Variants in SVIL observed in about 807,000 individuals in gnomAD.
SVIL encodes the protein supervillin.
Under a neutral mutation model 240.4 loss-of-function variants are expected in SVIL, and 101 were observed. That is an observed-to-expected ratio of 0.42 (90% CI 0.36 to 0.50). The LOEUF (loss-of-function observed/expected upper bound fraction) is 0.50. Ranked by LOEUF, SVIL falls within the 20% of genes least tolerant of loss-of-function variation. The pLI, the probability that SVIL is intolerant of heterozygous loss-of-function variation, is 0.01. For missense variants in SVIL, 2,512 were observed against 2,818.7 expected (o/e 0.89, Z 2.46); for synonymous variants, 999 against 1,100.0 (o/e 0.91, Z 1.82).
intron 1 of SVIL, among the ~76,000 whole-genome samples, chr10:29,695,883 G>A (rs1170386204): frequency 6.5e-5 from 1 of 15,274 alleles, no homozygotes; most frequent in South Asian, 2.4e-3. Context: ...TCCCTCTCCC[G>A]TCTCCCTCTC....
At chr10:29,535,135 C>T (rs1286529869) in intron 7 of SVIL, among the ~76,000 whole-genome samples, 2 of 151,928 alleles carry the variant, frequency 1.3e-5, no homozygotes, top group African/African-American at 2.4e-5. Context: ...TTTTAACGTA[C>T]GAGGCAGTGT....
rs1338606283 is a variant in SVIL, at chr10:29,462,187, A to G, written c.6402+90T>C. ...AGGAAAAATATTTTCCCACTCTGAA[A>G]GTGCAATTGGATGCTCTCCCCAAAG... On this transcript the variant is annotated intron_variant, in intron 36 of 37. Coordinates refer to ENST00000355867, the MANE Select transcript of SVIL (RefSeq NM_021738.3). 6 of 1,449,862 alleles carry G rather than the reference A, an allele frequency of 4.1e-6. No individual in the cohort carries two copies. The East Asian group carries it at 1.4e-4, about 35-fold the overall frequency. The allele number at this position is 1,449,862 out of a possible 1,614,324, so 89.8% of individuals were successfully genotyped here.
chr10:29,711,645 A>G (rs7894272), intron 1 of SVIL, among the ~76,000 whole-genome samples: 1 of 151,994 alleles, frequency 6.6e-6, no homozygotes, highest in African/African-American at 2.4e-5. Flanking sequence ...CTGTAATCCC[A>G]ACTACTCAGG....
chr10:29,613,752 A>G (rs1211294614), intron 1 of SVIL, among the ~76,000 whole-genome samples: 1 of 152,222 alleles, frequency 6.6e-6, no homozygotes, highest in Non-Finnish European at 1.5e-5. Flanking sequence ...GTGAATCCAG[A>G]ATTTTCCCTG....
At chr10:29,736,593 A>C (rs1209275727), upstream of SVIL, 1 of 152,286 alleles carries the variant, frequency 6.6e-6, no homozygotes, top group Non-Finnish European at 1.5e-5. Flanking sequence ...GGGACCAGGA[A>C]GAAGGGAGAG....
Position 29,523,861 on chromosome 10 carries a change from G to A in SVIL, c.2753C>T (p.Ser918Leu), listed in dbSNP as rs745851162. 1.2e-5 allele frequency: 20 copies of A among 1,614,066 alleles called. No homozygotes were observed. The Admixed American group carries it at 2.8e-4, about 23-fold the overall frequency. The change falls in exon 15 of 38, where the codon TCG (serine) becomes TTG (leucine). Residue 918 changes from serine (S) to leucine (L), a missense_variant. Ser to Leu is a moderately radical substitution (Grantham distance 145). Transcript: ENST00000355867. ...CAGAATGCTTCTAACTGGAGAGTCC[G>A]AATTTTCTATTGAAGAAGAAAACTT... The part of the protein sequence containing the change: ...DYKFSSSIEN[S>L]DSPVRSILKS...
intron 30 of SVIL, among the ~76,000 whole-genome samples, chr10:29,473,338 C>T (rs1305663433): frequency 3.3e-5 from 5 of 152,160 alleles, no homozygotes; most frequent in Non-Finnish European, 7.3e-5. Flanking sequence ...CATGTAGATT[C>T]GTGTACATGG....
intron 20 of SVIL, among the ~76,000 whole-genome samples, chr10:29,494,034 G>A (rs1242685815): frequency 6.6e-6 from 1 of 152,144 alleles, no homozygotes; most frequent in Non-Finnish European, 1.5e-5. Context: ...AGCCAGGCTT[G>A]GTGGTGCACG....
At chr10:29,512,433 A>G (rs982847275) in intron 17 of SVIL, among the ~76,000 whole-genome samples, 3 of 152,232 alleles carry the variant, frequency 2.0e-5, no homozygotes, top group Non-Finnish European at 4.4e-5. Flanking sequence ...TTAATAACAC[A>G]TGAAAGCCAG....
chr10:29,508,718 G>A (rs368523606), intron 17 of SVIL, among the ~76,000 whole-genome samples: 131 of 152,230 alleles, frequency 8.6e-4, no homozygotes, highest in African/African-American at 3.0e-3. Flanking sequence ...TTGAAATTTC[G>A]GGCACTTGTT....
chr10:29,552,424 A>G (rs1436466104), intron 5 of SVIL, among the ~76,000 whole-genome samples: 2 of 151,802 alleles, frequency 1.3e-5, no homozygotes, highest in South Asian at 2.1e-4. Context: ...TTAGCCAGGC[A>G]TGGTGGTGCG....
chr10:29,546,658 A>C (rs1393577496), intron 6 of SVIL, among the ~76,000 whole-genome samples: 1 of 152,204 alleles, frequency 6.6e-6, no homozygotes, highest in Non-Finnish European at 1.5e-5. Flanking sequence ...AATGTACGTG[A>C]GCACATTCAA....
At chr10:29,520,775 G>C (rs1368678579) in intron 16 of SVIL, among the ~76,000 whole-genome samples, 1 of 152,034 alleles carries the variant, frequency 6.6e-6, no homozygotes, top group African/African-American at 2.4e-5. Flanking sequence ...AATTAGCCAG[G>C]CATGGTGGTA....
chr10:29,465,237 T>C (rs1944764369), intron 34 of SVIL, among the ~76,000 whole-genome samples: 1 of 152,150 alleles, frequency 6.6e-6, no homozygotes, highest in Admixed American at 6.5e-5. Flanking sequence ...GCAAACATAA[T>C]GGCTGGAGCA....
intron 15 of SVIL, 87 bp from the exon 16 acceptor site, chr10:29,522,722 G>T: frequency 1.4e-6 from 2 of 1,429,388 alleles, no homozygotes; most frequent in Non-Finnish European, 1.9e-6. Context: ...AGCTCTCAGG[G>T]TTCAATCCGT....
intron 1 of SVIL, among the ~76,000 whole-genome samples, chr10:29,721,003 C>T (rs1362911455): frequency 2.6e-5 from 4 of 152,116 alleles, no homozygotes; most frequent in African/African-American, 7.2e-5. Context: ...TGTGCCACCA[C>T]AACCCACTAA....
At chr10:29,458,781 A>ATTTT in intron 36 of SVIL, 192 bp from the exon 37 acceptor site, 1 of 415,164 alleles carries the variant, frequency 2.4e-6, no homozygotes, top group Non-Finnish European at 4.1e-6. Context: ...TGGACTTTTA[A>ATTTT]TTTTTAAAAT....
At chr10:29,716,551 A>C (rs7101186) in intron 1 of SVIL, among the ~76,000 whole-genome samples, 29,384 of 152,186 alleles carry the variant, frequency 0.19, 3,517 homozygotes, top group African/African-American at 0.34. Context: ...GTTACATAAA[A>C]AGTCAAAGAT....
In SVIL at chr10:29,487,135, A is replaced by G. The variant is rs532786169; in HGVS notation, c.4485+28T>C. On this transcript the variant is annotated intron_variant, in intron 24 of 37. Transcript: ENST00000355867. ...CCGGTGCGTAAAGGAGATGTTAGCT[A>G]AAGCATTTTTATTTTTCAGGTACCA... is the stretch of plus-strand genomic sequence containing the variant. The G allele has an allele frequency of 3.8e-5, 62 of 1,611,970 alleles. 1 individual carries two copies. The South Asian group carries it at 6.2e-4, about 16-fold the overall frequency.
Sources: allele counts gnomAD v4.1 joint callset (sites outside exome capture counted in the v4.1 genomes callset), GRCh38; gene constraint gnomAD v4.1.1; transcripts MANE v1.5; gene names NCBI Gene and HGNC (gene_info 2026-07-23, HGNC 2026-07-21).